The following CDH12 variants were observed in gnomAD, a reference collection of about 807,000 sequenced individuals.
The protein encoded by CDH12 is cadherin-12.
CDH12 carries 41 observed loss-of-function variants against 74.1 expected under a neutral mutation model. The ratio of observed to expected loss-of-function variants is 0.55; its 90% confidence interval spans 0.43 to 0.72. The LOEUF (loss-of-function observed/expected upper bound fraction) is 0.72, where lower values mean the gene tolerates loss of function less well. Ranked by LOEUF, CDH12 falls within the 30% of genes least tolerant of loss-of-function variation. The probability of loss-of-function intolerance (pLI) is 0.00; values close to 1 mark genes in which losing one functional copy is unlikely to be tolerated. For missense variants in CDH12, 945 were observed against 977.2 expected (o/e 0.97, Z 0.44); for synonymous variants, 399 against 355.0 (o/e 1.12, Z -1.39).
chr5:22,110,791 C>T (rs185392897), intron 4 of CDH12, among the ~76,000 whole-genome samples: 1 of 152,244 alleles, frequency 6.6e-6, no homozygotes, highest in East Asian at 1.9e-4. Context: ...CTCCTCTATC[C>T]TCCTAGCCTG....
At chr5:21,893,409 G>C (rs1181360319) in intron 6 of CDH12, among the ~76,000 whole-genome samples, 1 of 152,116 alleles carries the variant, frequency 6.6e-6, no homozygotes, top group East Asian at 1.9e-4. Context: ...TGGCCCATTA[G>C]AAAAGAAGCG....
At chr5:22,009,900 C>A (rs1294623200) in intron 5 of CDH12, among the ~76,000 whole-genome samples, 89 of 135,068 alleles carry the variant, frequency 6.6e-4, no homozygotes, top group African/African-American at 2.4e-3. Context: ...ATTGCTTGAA[C>A]CTGGGAGGCA....
intron 4 of CDH12, among the ~76,000 whole-genome samples, chr5:22,193,629 T>C (rs2150348541): frequency 6.6e-6 from 1 of 152,212 alleles, no homozygotes; most frequent in South Asian, 2.1e-4. Context: ...TTGTCTTCTT[T>C]GAAACTTTTT....
chr5:21,908,654 T>C (rs1753741542), intron 6 of CDH12, among the ~76,000 whole-genome samples: 1 of 152,124 alleles, frequency 6.6e-6, no homozygotes, highest in Non-Finnish European at 1.5e-5. Context: ...AAACCCCACA[T>C]CAGAAAGCAG....
intron 4 of CDH12, among the ~76,000 whole-genome samples, chr5:22,191,491 T>C (rs770672344): frequency 6.6e-6 from 1 of 151,460 alleles, no homozygotes; most frequent in Non-Finnish European, 1.5e-5. Context: ...CAACTAAGGA[T>C]AAAAAGGTTT....
intron 3 of CDH12, among the ~76,000 whole-genome samples, chr5:22,253,485 A>T (rs1753203474): frequency 1.3e-5 from 2 of 152,080 alleles, no homozygotes; most frequent in Non-Finnish European, 2.9e-5. Flanking sequence ...TACTTGTCTG[A>T]ATAATCTGAT....
chr5:21,885,145 C>T (rs1221708023), intron 6 of CDH12, among the ~76,000 whole-genome samples: 1 of 151,788 alleles, frequency 6.6e-6, no homozygotes, highest in Non-Finnish European at 1.5e-5. Context: ...TCTCAGCCTC[C>T]CAAAGTGCTG....
intron 5 of CDH12, among the ~76,000 whole-genome samples, chr5:22,033,651 GTC>G (rs1561041227): frequency 6.6e-6 from 1 of 152,156 alleles, no homozygotes; most frequent in Non-Finnish European, 1.5e-5. Context: ...TTAAAATTAT[GTC>G]TGTTTTTCTT....
At chr5:22,646,372 A>G (rs376437562) in intron 1 of CDH12, among the ~76,000 whole-genome samples, 2 of 151,770 alleles carry the variant, frequency 1.3e-5, no homozygotes, top group East Asian at 3.9e-4. Context: ...GTGGATCAGC[A>G]CTCAGGCATG....
intron 2 of CDH12, among the ~76,000 whole-genome samples, chr5:22,465,660 A>C (rs1745698263): frequency 6.6e-6 from 1 of 152,028 alleles, no homozygotes; most frequent in African/African-American, 2.4e-5. Context: ...ACAAACAAAC[A>C]AAAAACATGT....
chr5:22,059,120 A>G (rs1291955553), intron 5 of CDH12, among the ~76,000 whole-genome samples: 1 of 152,152 alleles, frequency 6.6e-6, no homozygotes, highest in Non-Finnish European at 1.5e-5. Flanking sequence ...CAGGTAGTGA[A>G]TAAGAAAGAT....
intron 1 of CDH12, among the ~76,000 whole-genome samples, chr5:22,729,225 C>A (rs561686114): frequency 8.4e-4 from 128 of 151,836 alleles, no homozygotes; most frequent in Non-Finnish European, 1.3e-3. Flanking sequence ...GCAACAGGGG[C>A]GTGGTTCTCA....
At position 22,075,832 on chromosome 5, in the gene CDH12, G is replaced by T. The variant is rs1003259023; in HGVS notation, c.231+2614C>A. The stretch of plus-strand genomic sequence containing the variant: ...ACTGATACTTTTCCTAGGCATTTTT[G>T]CATTAGCCCTTTTCCTTTGCTCTGA... On this transcript the variant is annotated intron_variant, in intron 5 of 14. Coordinates refer to ENST00000382254, the MANE Select transcript of CDH12 (RefSeq NM_004061.5). Among the ~76,000 whole-genome samples the T allele has an allele frequency of 3.3e-5, 5 of 151,916 alleles. No homozygotes were observed. The East Asian group carries it at 9.6e-4, about 29-fold the overall frequency.
intron 2 of CDH12, among the ~76,000 whole-genome samples, chr5:22,471,415 C>A (rs1306117414): frequency 6.6e-6 from 1 of 152,144 alleles, no homozygotes. Flanking sequence ...CTTCCATATT[C>A]CATTCATCAT....
At chr5:21,988,491 CAAAAAA>C (rs1157872208) in intron 5 of CDH12, among the ~76,000 whole-genome samples, 31 of 29,498 alleles carry the variant, frequency 1.1e-3, no homozygotes, top group South Asian at 2.2e-3. Flanking sequence ...GACTCCGTCT[CAAAAAA>C]AAAAAAAAAA....
intron 2 of CDH12, among the ~76,000 whole-genome samples, chr5:22,473,596 G>A (rs9293018): frequency 0.55 from 83,369 of 151,878 alleles, 23,093 homozygotes; most frequent in Admixed American, 0.69. Flanking sequence ...ATGGTATAAA[G>A]CTAGGCCCAA....
intron 7 of CDH12, 73 bp downstream of exon 7, chr5:21,854,598 C>T (rs1750652144): frequency 7.8e-7 from 1 of 1,279,094 alleles, no homozygotes; most frequent in Non-Finnish European, 1.1e-6. Context: ...ATGCAACTCC[C>T]CATGCCAAGA....
chr5:21,995,813 G>T (rs894404569), intron 5 of CDH12, among the ~76,000 whole-genome samples: 2 of 151,542 alleles, frequency 1.3e-5, no homozygotes, highest in African/African-American at 4.9e-5. Flanking sequence ...GATGCTGATT[G>T]CATAAAAAAA....
intron 1 of CDH12, among the ~76,000 whole-genome samples, chr5:22,660,444 C>T (rs927669064): frequency 6.6e-6 from 1 of 152,168 alleles, no homozygotes; most frequent in Non-Finnish European, 1.5e-5. Context: ...TCTCTCTTAT[C>T]GGTCTGTGTT....
Sources: allele counts gnomAD v4.1 joint callset (sites outside exome capture counted in the v4.1 genomes callset), GRCh38; gene constraint gnomAD v4.1.1; transcripts MANE v1.5; gene names NCBI Gene and HGNC (gene_info 2026-07-23, HGNC 2026-07-21).